ZBTB4: variants seen among roughly 807,000 people sequenced by gnomAD.
The protein encoded by ZBTB4 is zinc finger and BTB domain containing 4.
ZBTB4 carries 14 observed loss-of-function variants against 59.8 expected under a neutral mutation model. That is an observed-to-expected ratio of 0.23 (90% CI 0.15 to 0.37). ZBTB4 has a LOEUF of 0.37. Among genes scored for constraint, ZBTB4 ranks in the 10% least tolerant of loss-of-function variants. The pLI is 1.00. For synonymous variants in ZBTB4, 587 were observed against 575.2 expected, an observed-to-expected ratio of 1.02 and a Z score of -0.29; for missense variants, 1,198 against 1,380.8, an observed-to-expected ratio of 0.87 and a Z score of 2.10.
intron 1 of ZBTB4, among the ~76,000 whole-genome samples, chr17:7,470,894 G>A (rs1360014485): frequency 3.3e-5 from 5 of 152,126 alleles, no homozygotes; most frequent in African/African-American, 9.7e-5. Context: ...TCCTACCTGG[G>A]TGCCTTTCTG....
intron 1 of ZBTB4, among the ~76,000 whole-genome samples, chr17:7,472,283 T>C (rs113916701): frequency 1.3e-5 from 2 of 151,664 alleles, no homozygotes; most frequent in Non-Finnish European, 2.9e-5. Context: ...CTCCGCCTCC[T>C]GGGTTCAAGC....
At chr17:7,483,071 G>T (rs1471337036), upstream of ZBTB4, 31 of 1,599,844 alleles carry the variant, frequency 1.9e-5, no homozygotes, top group Admixed American at 1.4e-4. Context: ...AGACAAACAT[G>T]GGAGGAGAAG....
intron 1 of ZBTB4, among the ~76,000 whole-genome samples, chr17:7,471,388 C>T (rs1201436576): frequency 6.6e-6 from 1 of 152,098 alleles, no homozygotes; most frequent in African/African-American, 2.4e-5. Flanking sequence ...GGTCTTGCCA[C>T]GTTGCCCAGG....
intron 1 of ZBTB4, among the ~76,000 whole-genome samples, chr17:7,475,220 A>T (rs2070253696): frequency 6.6e-6 from 1 of 151,614 alleles, no homozygotes. Context: ...GGGCGCCTGT[A>T]ACCCCAGCTA....
upstream of ZBTB4, among the ~76,000 whole-genome samples, chr17:7,481,710 A>G (rs927864619): frequency 6.6e-6 from 1 of 152,096 alleles, no homozygotes; most frequent in African/African-American, 2.4e-5. Context: ...CCCTTCCTCA[A>G]TCCGAGAGAG....
At chr17:7,481,662 G>A, upstream of ZBTB4, 1 of 671,920 alleles carries the variant, frequency 1.5e-6, no homozygotes, top group East Asian at 2.9e-5. Context: ...TCTGGAACCT[G>A]TGGCATCATA....
chr17:7,480,870 T>C (rs1597784056), upstream of ZBTB4, among the ~76,000 whole-genome samples: 1 of 151,356 alleles, frequency 6.6e-6, no homozygotes, highest in African/African-American at 2.4e-5. Flanking sequence ...AGAAGCAGAG[T>C]TGGGCTGGGC....
intron 1 of ZBTB4, among the ~76,000 whole-genome samples, chr17:7,476,385 T>C (rs2070269837): frequency 6.6e-6 from 1 of 152,196 alleles, no homozygotes; most frequent in Admixed American, 6.5e-5. Flanking sequence ...TGATGGCAGA[T>C]ACCCATAGTC....
At chr17:7,475,914 C>T (rs1362721787) in intron 1 of ZBTB4, among the ~76,000 whole-genome samples, 5 of 152,132 alleles carry the variant, frequency 3.3e-5, no homozygotes, top group African/African-American at 9.7e-5. Context: ...GCCTATGGCC[C>T]GCCAGCTGGT....
At position 7,463,050 on chromosome 17, in the gene ZBTB4, GTCC is replaced by G. The variant is rs760656085; in HGVS notation, c.1929_1931del (p.Glu643del). The stretch of plus-strand genomic sequence containing the variant: ...CCTCATCCTCCTCCTCCTCCTCTTC[GTCC>G]TCCTCCTCTTCGTCCTCCTCACTCT... On this transcript the variant is annotated inframe_deletion, in exon 4 of 4. Coordinates refer to ENST00000380599, the MANE Select transcript of ZBTB4 (RefSeq NM_001128833.2). 2.2e-4 allele frequency: 351 copies of G among 1,608,706 alleles called. No homozygotes were observed. The highest frequency in any genetic ancestry group is 8.3e-4 in the Middle Eastern group (5 of 6,044).
intron 1 of ZBTB4, among the ~76,000 whole-genome samples, chr17:7,476,362 C>T (rs548621550): frequency 2.0e-5 from 3 of 152,306 alleles, no homozygotes; most frequent in South Asian, 2.1e-4. Flanking sequence ...CAGTACTCAG[C>T]GTGAGCCAGG....
chr17:7,466,131 T>G lies in ZBTB4; in HGVS notation c.671A>C (p.Asp224Ala). ...EGDRAEAQAP[D>A]LQCSLPRRPL... is the part of the protein sequence containing the mutation. ...CCGCCGGGGCAGGGAGCACTGCAAG[T>G]CAGGGGCCTGGGCCTCAGCCCTGTC... is the stretch of plus-strand genomic sequence containing the variant. The change falls in exon 3 of 4, where the codon GAC becomes GCC. Residue 224 changes from aspartate (D) to alanine (A), a missense_variant. By Grantham distance (126) the Asp-to-Ala change is moderately radical. Transcript: ENST00000380599. This position sits in a 1 kb window ranked among gnomAD's most constrained non-coding sequence, Gnocchi z 9.1. 2 of 1,611,182 alleles carry G rather than the reference T, an allele frequency of 1.2e-6. No homozygotes were observed. Among genetic ancestry groups the G allele is most frequent in the Non-Finnish European group, 1.7e-6 (2 of 1,178,816 alleles).
At position 7,466,848 on chromosome 17, in the gene ZBTB4, G is replaced by A. The variant is rs1171465582; in HGVS notation, c.-9-38C>T. 4 of 1,481,140 alleles carry A rather than the reference G, an allele frequency of 2.7e-6. No individual in the cohort carries two copies. The highest frequency in any genetic ancestry group is 2.6e-5 in the South Asian group (2 of 75,738). The allele number at this position is 1,481,140 out of a possible 1,614,324, so 91.7% of individuals were successfully genotyped here. A position where few individuals can be genotyped will look rare whatever the true frequency, so the allele number is the denominator to read the frequency against. On this transcript the variant is annotated intron_variant, in intron 2 of 3. Transcript: ENST00000380599. This position sits in a 1 kb window ranked among gnomAD's most constrained non-coding sequence, Gnocchi z 9.1. ...AGAAGAGGCCGGGTAGAGTCTCAGA[G>A]GCTGGGCAGAGGGCAGGGGCTTCTA...
chr17:7,463,779 G>A lies in ZBTB4; in HGVS notation c.1203C>T (p.Pro401=), dbSNP rs1172669387. 6.2e-7 allele frequency: 1 copy of A among 1,614,134 alleles called. No individual in the cohort carries two copies. Among genetic ancestry groups the A allele is most frequent in the East Asian group, 2.2e-5 (1 of 44,882 alleles). ...TGAGCTTGGGCTTGTAGCCTCCATT[G>A]GGTGTCTTCTCACTGGCAAGGAGGC... ...SPGLLASEKT[P]NGGYKPKLNT... Residue 401 remains proline (P), a synonymous_variant, in exon 4 of 4, where the codon CCC becomes CCT. Coordinates refer to ENST00000380599, the MANE Select transcript of ZBTB4 (RefSeq NM_001128833.2).
chr17:7,465,902 C>T lies in ZBTB4; in HGVS notation c.900G>A (p.Val300=), dbSNP rs2070113491. 1 of 1,612,874 alleles carries T rather than the reference C, an allele frequency of 6.2e-7. No individual in the cohort carries two copies. The highest frequency in any genetic ancestry group is 2.2e-5 in the East Asian group (1 of 44,862). Residue 300 remains valine (V), a synonymous_variant, in exon 3 of 4, where the codon GTG becomes GTA. Transcript: ENST00000380599. The stretch of plus-strand genomic sequence containing the variant: ...ACAGCACGTGGCCGCCCACCACCTT[C>T]ACCACGTGCTCGGGGCCCCCTCGGA... ...VGFRGGPEHV[V]KVVGGHVLYV...
At chr17:7,464,153 G>A (rs2070077299) in intron 3 of ZBTB4, among the ~76,000 whole-genome samples, 1 of 152,206 alleles carries the variant, frequency 6.6e-6, no homozygotes, top group African/African-American at 2.4e-5. Flanking sequence ...ATGGCAGAAT[G>A]GGGAAACGAC....
chr17:7,466,888 G>A lies in ZBTB4; in HGVS notation c.-9-78C>T. On this transcript the variant is annotated intron_variant, in intron 2 of 3. Coordinates refer to ENST00000380599, the MANE Select transcript of ZBTB4 (RefSeq NM_001128833.2). This position sits in a 1 kb window ranked among gnomAD's most constrained non-coding sequence, Gnocchi z 9.1. ...AGGGGCTTCTAAAATCAGGCAGAGA[G>A]AGGATCAGGAGCTGCTGGTCAGAAA... 1.2e-5 allele frequency: 17 copies of A among 1,439,374 alleles called. No homozygotes were observed. The highest frequency in any genetic ancestry group is 1.5e-5 in the Non-Finnish European group (16 of 1,100,096). The allele number at this position is 1,439,374 out of a possible 1,614,324, so 89.2% of individuals were successfully genotyped here. A position where few individuals can be genotyped will look rare whatever the true frequency, so the allele number is the denominator to read the frequency against.
chr17:7,461,669 A>G lies in ZBTB4; in HGVS notation c.*271T>C. ...TTAAGTATATTGCTCAGTTGCCCCAAGGGCTGGAGAAGGGATGGAAGCTGG... is the reference window on the plus strand; with the variant it reads ...TTAAGTATATTGCTCAGTTGCCCCAGGGGCTGGAGAAGGGATGGAAGCTGG... On this transcript the variant is annotated 3_prime_UTR_variant, in exon 4 of 4. Transcript: ENST00000380599. The G allele has an allele frequency of 2.7e-6, 1 of 375,024 alleles. No individual in the cohort carries two copies. The highest frequency in any genetic ancestry group is 4.8e-6 in the Non-Finnish European group (1 of 208,680). The allele number at this position is 375,024 out of a possible 1,614,324, so 23.2% of individuals were successfully genotyped here. A position where few individuals can be genotyped will look rare whatever the true frequency, so the allele number is the denominator to read the frequency against.
intron 1 of ZBTB4, among the ~76,000 whole-genome samples, chr17:7,476,215 C>T (rs2070267241): frequency 6.6e-6 from 1 of 152,220 alleles, no homozygotes; most frequent in Non-Finnish European, 1.5e-5. Context: ...AGGACTATCA[C>T]TCCTGGGCTC....
Sources: gnomAD v4.1 joint callset for allele counts (sites outside exome capture counted in the v4.1 genomes callset) on GRCh38, gnomAD v4.1.1 for gene constraint, Gnocchi (gnomAD v3.1) non-coding constraint, MANE v1.5 for transcripts, NCBI Gene and HGNC (gene_info 2026-07-23, HGNC 2026-07-21) for gene names.